The following PDE2A variants were observed in gnomAD, a reference collection of about 807,000 sequenced individuals.
PDE2A encodes the protein phosphodiesterase 2A.
In PDE2A, 53 loss-of-function variants were observed where a neutral mutation model predicts 133.6. The ratio of observed to expected loss-of-function variants is 0.40; its 90% CI spans 0.32 to 0.50. The LOEUF is 0.50. Ranked by LOEUF, PDE2A falls within the 20% of genes least tolerant of loss-of-function variation. The probability of loss-of-function intolerance (pLI) is 0.73; values close to 1 mark genes in which losing one functional copy is unlikely to be tolerated. For synonymous variants in PDE2A, 491 were observed against 490.2 expected (o/e 1.00, Z -0.02); for missense variants, 796 against 1,232.4 (o/e 0.65, Z 5.30).
Position 72,587,452 on chromosome 11 carries a change from G to A in PDE2A, c.1071-1271C>T, listed in dbSNP as rs148776973. Among the ~76,000 whole-genome samples, 752 of 152,270 alleles carry A rather than the reference G, an allele frequency of 4.9e-3. 3 individuals are homozygous for A. Among genetic ancestry groups the A allele is most frequent in the African/African-American group, 0.017 (720 of 41,532 alleles). ...CTGAAATGCGTGGGACACAGAGATA[G>A]CCCTGCCCCTGCCCTGGGCCTCAAA... On this transcript the variant is annotated intron_variant, in intron 13 of 30. Coordinates refer to ENST00000334456, the MANE Select transcript of PDE2A (RefSeq NM_002599.5).
chr11:72,605,045 G>A (rs968070408), intron 4 of PDE2A, 93 bp downstream of exon 4: 14 of 732,742 alleles, frequency 1.9e-5, no homozygotes, highest in Admixed American at 4.4e-5. Flanking sequence ...ATGTTGGAAG[G>A]GGAGGGTCAG....
At chr11:72,622,787 G>A (rs1279256684) in intron 2 of PDE2A, among the ~76,000 whole-genome samples, 1 of 152,114 alleles carries the variant, frequency 6.6e-6, no homozygotes, top group African/African-American at 2.4e-5. Context: ...CAGTGTGAAT[G>A]TACCTACCAC....
chr11:72,626,079 C>A (rs1414509366), intron 2 of PDE2A, among the ~76,000 whole-genome samples: 1 of 152,272 alleles, frequency 6.6e-6, no homozygotes, highest in Non-Finnish European at 1.5e-5. Context: ...AGGCCCTTGA[C>A]GAGGCTGGCC....
intron 2 of PDE2A, among the ~76,000 whole-genome samples, chr11:72,612,121 C>T (rs990631751): frequency 6.6e-6 from 1 of 151,432 alleles, no homozygotes; most frequent in Non-Finnish European, 1.5e-5. Context: ...CTCACATGCC[C>T]ATCTACACAT....
In PDE2A at chr11:72,652,579, T is replaced by C. The variant is rs368366823; in HGVS notation, c.72-10253A>G. On this transcript the variant is annotated intron_variant, in intron 1 of 30. Coordinates refer to ENST00000334456, the MANE Select transcript of PDE2A (RefSeq NM_002599.5). ...CTGTCAATTAAATTTTAAACAACTT[T>C]AAAGGGGAAGGGAGGGGAATGGCCA... 27 of 456,196 alleles carry C rather than the reference T, an allele frequency of 5.9e-5. No homozygotes were observed. In the East Asian group the frequency reaches 1.7e-3, roughly 28 times the overall value. The allele number at this position is 456,196 out of a possible 1,614,324, so 28.3% of individuals were successfully genotyped here.
At chr11:72,655,523 G>C (rs188129747) in intron 1 of PDE2A, among the ~76,000 whole-genome samples, 3,127 of 151,098 alleles carry the variant, frequency 0.021, 87 homozygotes, top group African/African-American at 0.073. Flanking sequence ...GTGTGTGTGT[G>C]CATGTGTGTG....
chr11:72,636,242 G>T, intron 2 of PDE2A: 1 of 569,016 alleles, frequency 1.8e-6, no homozygotes, highest in Non-Finnish European at 2.3e-6. Flanking sequence ...AAGGGAGCCA[G>T]ATCCAAAGTT....
Position 72,588,918 on chromosome 11 carries a change from C to T in PDE2A, c.940-4G>A. On this transcript the variant is annotated splice_polypyrimidine_tract_variant and splice_region_variant and intron_variant, in intron 12 of 30. Transcript: ENST00000334456. ...TCTGCAGCTGTTGTACATCCTCCTG[C>T]AAAGGCGAGGCAAGTCAGGGCAGGG... The T allele has an allele frequency of 6.3e-7, 1 of 1,598,276 alleles. No individual in the cohort carries two copies. The highest frequency in any genetic ancestry group is 1.3e-5 in the African/African-American group (1 of 74,792).
chr11:72,588,160 T>A (rs1856062993), intron 13 of PDE2A, among the ~76,000 whole-genome samples: 1 of 152,174 alleles, frequency 6.6e-6, no homozygotes, highest in Non-Finnish European at 1.5e-5. Context: ...CTCCCTGAAC[T>A]AAGATCCATT....
intron 2 of PDE2A, among the ~76,000 whole-genome samples, chr11:72,630,552 T>C (rs545187785): frequency 6.7e-6 from 1 of 149,354 alleles, no homozygotes; most frequent in African/African-American, 2.5e-5. Context: ...AGGGGAACGA[T>C]TGCCAGGCTG....
At chr11:72,629,635 C>T (rs1392165458) in intron 2 of PDE2A, among the ~76,000 whole-genome samples, 2 of 152,256 alleles carry the variant, frequency 1.3e-5, no homozygotes, top group Non-Finnish European at 2.9e-5. Flanking sequence ...GGTCTTGGCC[C>T]TGTGTCCCAG....
In PDE2A at chr11:72,608,749, G is replaced by A. The variant is rs374195521; in HGVS notation, c.147C>T (p.Asp49=). 1.0e-4 allele frequency: 161 copies of A among 1,544,760 alleles called. No homozygotes were observed. Among genetic ancestry groups the A allele is most frequent in the East Asian group, 1.8e-4 (8 of 43,350 alleles). The part of the protein sequence containing the change: ...PPQPCADSLQ[D]ALLSLGSVID... ...TGACAGAGCCCAGACTCAGCAAGGC[G>A]TCCTGGAAGAGAGGAGAGGGCAGTG... is the stretch of plus-strand genomic sequence containing the variant. Residue 49 remains aspartate (D), a splice_region_variant and synonymous_variant, in exon 3 of 31, where the codon GAC becomes GAT. Transcript: ENST00000334456.
intron 2 of PDE2A, among the ~76,000 whole-genome samples, chr11:72,638,873 G>T (rs1489151279): frequency 2.0e-5 from 3 of 152,246 alleles, no homozygotes; most frequent in Non-Finnish European, 4.4e-5. Flanking sequence ...AGACAGTGTT[G>T]CCTGGGGAAT....
At chr11:72,649,092 C>T (rs1024959983) in intron 1 of PDE2A, among the ~76,000 whole-genome samples, 1 of 152,160 alleles carries the variant, frequency 6.6e-6, no homozygotes, top group Admixed American at 6.5e-5. Flanking sequence ...CCTTCCAGGT[C>T]CTTAAGTCTG....
intron 1 of PDE2A, among the ~76,000 whole-genome samples, chr11:72,642,667 C>A (rs1309657844): frequency 1.3e-5 from 2 of 152,038 alleles, no homozygotes; most frequent in East Asian, 3.9e-4. Flanking sequence ...GCGCTCGCTG[C>A]CCCTCGCCCC....
intron 2 of PDE2A, among the ~76,000 whole-genome samples, chr11:72,618,024 A>G (rs1857563241): frequency 6.6e-6 from 1 of 152,150 alleles, no homozygotes; most frequent in Non-Finnish European, 1.5e-5. Context: ...CTCCCAGCGC[A>G]GTGCTTTGTT....
intron 2 of PDE2A, among the ~76,000 whole-genome samples, chr11:72,609,592 G>A (rs1191876492): frequency 6.6e-6 from 1 of 152,182 alleles, no homozygotes; most frequent in Non-Finnish European, 1.5e-5. Context: ...CCGGAACGGA[G>A]ACAAAAGTCC....
chr11:72,593,800 C>A (rs1418717116), intron 6 of PDE2A, among the ~76,000 whole-genome samples: 1 of 152,262 alleles, frequency 6.6e-6, no homozygotes, highest in African/African-American at 2.4e-5. Context: ...CCTCAGAGAG[C>A]CCTCGCTGAT....
Position 72,585,463 on chromosome 11 carries a change from G to GAGACCAGGCTGCCA in PDE2A, c.1223-43_1223-30dup, listed in dbSNP as rs759267674. The GAGACCAGGCTGCCA allele has an allele frequency of 8.7e-6, 14 of 1,612,808 alleles. No individual in the cohort carries two copies. In the South Asian group the frequency reaches 1.5e-4, roughly 18 times the overall value. On this transcript the variant is annotated intron_variant, in intron 15 of 30. Coordinates refer to ENST00000334456, the MANE Select transcript of PDE2A (RefSeq NM_002599.5). The stretch of plus-strand genomic sequence containing the variant: ...GGGAAGGGAGAAGACCAGGCAGGGT[G>GAGACCAGGCTGCCA]AGACCAGGCTGCCAAGACCTCCCGC...
Sources: gnomAD v4.1 joint callset for allele counts (sites outside exome capture counted in the v4.1 genomes callset) on GRCh38, gnomAD v4.1.1 for gene constraint, MANE v1.5 for transcripts, NCBI Gene and HGNC (gene_info 2026-07-23, HGNC 2026-07-21) for gene names.